Variants in NAV3 observed in about 807,000 individuals in gnomAD.
NAV3 encodes the protein pore membrane and/or filament interacting like protein 1.
A neutral mutation model predicts 244.7 loss-of-function variants in NAV3; 87 were observed. The ratio of observed to expected loss-of-function variants is 0.36; its 90% CI spans 0.30 to 0.42. The LOEUF is 0.42. NAV3 is among the 20% of genes least tolerant of loss of function. The pLI, the probability that NAV3 is intolerant of heterozygous loss-of-function variation, is 1.00. For synonymous variants in NAV3, 1,126 were observed against 1,042.2 expected, an observed-to-expected ratio of 1.08 and a Z score of -1.55; for missense variants, 2,663 against 2,893.3, an observed-to-expected ratio of 0.92 and a Z score of 1.83.
chr12:77,984,479 A>ATTTTT (rs33928359), intron 5 of NAV3, among the ~76,000 whole-genome samples: 1 of 146,026 alleles, frequency 6.8e-6, no homozygotes, highest in African/African-American at 2.5e-5. Context: ...TCAAGTATGC[A>ATTTTT]TTTTTTTTTT....
intron 1 of NAV3, among the ~76,000 whole-genome samples, chr12:77,904,640 T>C (rs1355082072): frequency 6.6e-6 from 1 of 151,894 alleles, no homozygotes; most frequent in Non-Finnish European, 1.5e-5. Context: ...ACTTAAAGTA[T>C]AATTTTTTAA....
In NAV3 at chr12:78,116,991, C is replaced by G. The variant is rs1955416068; in HGVS notation, c.2769+87C>G. On this transcript the variant is annotated intron_variant, in intron 13 of 39. Transcript: ENST00000397909. ...ATATTAGATTAAGGTATAGCACAAG[C>G]CCTTAATCCAAAATTATTACAGAAA... 111 of 1,401,006 alleles carry G rather than the reference C, an allele frequency of 7.9e-5. No homozygotes were observed. The South Asian group carries it at 1.6e-3, about 20-fold the overall frequency. 86.8% of individuals were successfully genotyped at this position (1,401,006 alleles called of 1,614,324 possible). A position where few individuals can be genotyped will look rare whatever the true frequency, so the allele number is the denominator to read the frequency against.
chr12:77,669,722 GA>G (rs1215985936), intron 2 of NAV3, among the ~76,000 whole-genome samples: 16 of 152,072 alleles, frequency 1.1e-4, no homozygotes, highest in African/African-American at 3.9e-4. Flanking sequence ...CTAGACCTAA[GA>G]AGTAAGATAA....
At chr12:77,611,020 A>G (rs2136819250) in intron 2 of NAV3, among the ~76,000 whole-genome samples, 1 of 151,936 alleles carries the variant, frequency 6.6e-6, no homozygotes, top group South Asian at 2.1e-4. Context: ...TATTAGAAAA[A>G]AAAACTGTTT....
chr12:78,081,446 C>T (rs562944041), intron 12 of NAV3, among the ~76,000 whole-genome samples: 6 of 152,266 alleles, frequency 3.9e-5, no homozygotes, highest in Non-Finnish European at 7.4e-5. Flanking sequence ...CTTTATAGCA[C>T]GTGAATGTCA....
At chr12:78,146,559 A>C (rs1277268353) in intron 21 of NAV3, among the ~76,000 whole-genome samples, 167 bp downstream of exon 21, 1 of 152,188 alleles carries the variant, frequency 6.6e-6, no homozygotes, top group Non-Finnish European at 1.5e-5. Context: ...TGCCTCTTAA[A>C]AATAAAATGA....
chr12:77,985,430 C>T (rs1463130785), intron 5 of NAV3, among the ~76,000 whole-genome samples: 3 of 152,114 alleles, frequency 2.0e-5, no homozygotes, highest in Non-Finnish European at 4.4e-5. Flanking sequence ...TTCATTAATT[C>T]AGTATCCAAA....
At chr12:77,790,233 C>G (rs535853643) in intron 2 of NAV3, among the ~76,000 whole-genome samples, 1 of 152,242 alleles carries the variant, frequency 6.6e-6, no homozygotes, top group African/African-American at 2.4e-5. Context: ...TGGGCATATG[C>G]CATATTAAAC....
rs902817559 is a variant in NAV3 at position 77,941,099 on chromosome 12, A to G, written c.380A>G (p.Asp127Gly). 48 of 1,586,164 alleles carry G rather than the reference A, an allele frequency of 3.0e-5. No homozygotes were observed. The East Asian group carries it at 1.0e-3, about 34-fold the overall frequency. Residue 127 changes from aspartate (D) to glycine (G), a missense_variant, in exon 3 of 40, where the codon GAT becomes GGT. Physicochemically the swap from Asp to Gly is moderately conservative, Grantham distance 94. Coordinates refer to ENST00000397909, the MANE Select transcript of NAV3 (RefSeq NM_001024383.2). ...GCTTTAGCAAATGAAAAAGTTGAAGATATCAATGGATGTCCTAGAAGTCAG... is the reference window on the plus strand; with the variant it reads ...GCTTTAGCAAATGAAAAAGTTGAAGGTATCAATGGATGTCCTAGAAGTCAG... ...IQIIANEKVE[D>G]INGCPRSQSQ...
chr12:77,723,477 G>A (rs187529147), intron 2 of NAV3, among the ~76,000 whole-genome samples: 19 of 152,148 alleles, frequency 1.2e-4, no homozygotes, highest in African/African-American at 4.6e-4. Context: ...TATGTGAACA[G>A]CACTCTGCTG....
chr12:78,088,925 A>G (rs888134860), intron 12 of NAV3: 10 of 152,124 alleles, frequency 6.6e-5, no homozygotes, highest in African/African-American at 2.4e-4. Context: ...TCTTATCAGC[A>G]TTTGGATTAG....
intron 2 of NAV3, among the ~76,000 whole-genome samples, chr12:77,781,551 C>T (rs1418928036): frequency 2.0e-5 from 3 of 152,084 alleles, no homozygotes; most frequent in Non-Finnish European, 2.9e-5. Flanking sequence ...CAGACAGAAC[C>T]AATATACACT....
rs190557251 is a variant in NAV3, at chr12:77,954,347, C to T, written c.415-11882C>T. Among the ~76,000 whole-genome samples, 33 of 152,206 alleles carry T rather than the reference C, an allele frequency of 2.2e-4. No homozygotes were observed. In the East Asian group the frequency reaches 5.2e-3, roughly 24 times the overall value. On this transcript the variant is annotated intron_variant, in intron 3 of 39. Transcript: ENST00000397909. Reference sequence around the variant, plus strand: ...TGTAGTAAGCCTGAGTCAGAGGCTGCGAATAGCTTAGTGAGAATGTTTAAA... The same window carrying T: ...TGTAGTAAGCCTGAGTCAGAGGCTGTGAATAGCTTAGTGAGAATGTTTAAA...
intron 18 of NAV3, 58 bp from the exon 19 acceptor site, chr12:78,137,119 C>T (rs1377387808): frequency 3.4e-6 from 5 of 1,468,228 alleles, no homozygotes; most frequent in African/African-American, 1.4e-5. Flanking sequence ...TTCTATCAAC[C>T]TGCTATTTTC....
intron 2 of NAV3, among the ~76,000 whole-genome samples, chr12:77,711,585 C>T (rs73410457): frequency 0.026 from 3,883 of 152,198 alleles, 95 homozygotes; most frequent in African/African-American, 0.062. Flanking sequence ...GTATGGAATG[C>T]GGTGTCAGGA....
chr12:77,985,204 C>T (rs749986912), intron 5 of NAV3, among the ~76,000 whole-genome samples: 1 of 152,156 alleles, frequency 6.6e-6, no homozygotes, highest in African/African-American at 2.4e-5. Flanking sequence ...TGGGCTTTAA[C>T]CAAATTTTTC....
intron 2 of NAV3, among the ~76,000 whole-genome samples, chr12:77,769,882 T>C (rs889390762): frequency 3.9e-5 from 6 of 152,228 alleles, no homozygotes; most frequent in Admixed American, 3.3e-4. Context: ...AAGTGATGTA[T>C]TATAAATAAG....
intron 2 of NAV3, among the ~76,000 whole-genome samples, chr12:77,699,265 G>T (rs943144794): frequency 9.9e-5 from 15 of 152,172 alleles, no homozygotes; most frequent in South Asian, 2.1e-4. Flanking sequence ...CCTGAATGAG[G>T]AACAGACGTT....
intron 5 of NAV3, among the ~76,000 whole-genome samples, chr12:77,969,889 A>C (rs1043345908): frequency 6.6e-6 from 1 of 152,178 alleles, no homozygotes; most frequent in African/African-American, 2.4e-5. Flanking sequence ...AAGATCACCC[A>C]GATTATCTAA....
Sources: allele counts gnomAD v4.1 joint callset (sites outside exome capture counted in the v4.1 genomes callset), GRCh38; gene constraint gnomAD v4.1.1; transcripts MANE v1.5; gene names NCBI Gene and HGNC (gene_info 2026-07-23, HGNC 2026-07-21).